The following GPC6 variants were observed in gnomAD, a reference collection of about 807,000 sequenced individuals.
GPC6 encodes glypican 6.
In GPC6, 14 loss-of-function variants were observed where a neutral mutation model predicts 55.2. That is an observed-to-expected ratio of 0.25 (90% CI 0.17 to 0.40). The LOEUF is 0.40. Ranked by LOEUF, GPC6 falls within the 10% of genes least tolerant of loss-of-function variation. The probability of loss-of-function intolerance (pLI) is 1.00; values close to 1 mark genes in which losing one functional copy is unlikely to be tolerated. For missense variants in GPC6, 641 were observed against 708.5 expected, an observed-to-expected ratio of 0.90 and a Z score of 1.08; for synonymous variants, 278 against 259.6, an observed-to-expected ratio of 1.07 and a Z score of -0.68.
chr13:93,898,246 G>C (rs1225888366), intron 3 of GPC6, among the ~76,000 whole-genome samples: 1 of 152,054 alleles, frequency 6.6e-6, no homozygotes, highest in East Asian at 1.9e-4. Flanking sequence ...TGGCCTTATT[G>C]GTCACCGTAT....
chr13:94,258,791 A>G (rs1418406255), intron 4 of GPC6, among the ~76,000 whole-genome samples: 1 of 152,158 alleles, frequency 6.6e-6, no homozygotes, highest in African/African-American at 2.4e-5. Flanking sequence ...ATTAACATTG[A>G]TTATTTCTGA....
chr13:93,693,704 C>T (rs1339962169), intron 2 of GPC6, among the ~76,000 whole-genome samples: 1 of 152,100 alleles, frequency 6.6e-6, no homozygotes, highest in Non-Finnish European at 1.5e-5. Context: ...CCAGGCTGGT[C>T]TTAAACTCCT....
At position 93,535,425 on chromosome 13, in the gene GPC6, A is replaced by G. The variant is rs557347280; in HGVS notation, c.161-9838A>G. On this transcript the variant is annotated intron_variant, in intron 1 of 8. Transcript: ENST00000377047. ...AGTAGCTGCCATGATTTCACCAAGTAAATATTTGAGGCACTGCTGGTCACA... is the reference window on the plus strand; with the variant it reads ...AGTAGCTGCCATGATTTCACCAAGTGAATATTTGAGGCACTGCTGGTCACA... 2.0e-5 allele frequency among the ~76,000 whole-genome samples: 3 copies of G among 152,280 alleles called. No homozygotes were observed. In the South Asian group the frequency reaches 6.2e-4, roughly 32 times the overall value.
intron 2 of GPC6, among the ~76,000 whole-genome samples, chr13:93,675,895 A>G (rs1881566992): frequency 6.6e-6 from 1 of 151,896 alleles, no homozygotes; most frequent in Admixed American, 6.6e-5. Flanking sequence ...TTCTAGATCC[A>G]AGGACTACTT....
intron 2 of GPC6, among the ~76,000 whole-genome samples, chr13:93,659,289 C>A (rs1447633080): frequency 6.6e-6 from 1 of 151,862 alleles, no homozygotes; most frequent in Non-Finnish European, 1.5e-5. Context: ...TAAAGATGGT[C>A]TAAAGATACC....
At chr13:93,426,175 T>A (rs1877118785) in intron 1 of GPC6, among the ~76,000 whole-genome samples, 1 of 152,226 alleles carries the variant, frequency 6.6e-6, no homozygotes. Context: ...AGAAACTGTT[T>A]AGATGATACT....
At chr13:94,045,351 T>G (rs886891400) in intron 4 of GPC6, among the ~76,000 whole-genome samples, 1 of 151,962 alleles carries the variant, frequency 6.6e-6, no homozygotes, top group Non-Finnish European at 1.5e-5. Flanking sequence ...GTCAATATTT[T>G]GCTAACGTTT....
At chr13:93,620,387 A>G (rs1170450570) in intron 2 of GPC6, among the ~76,000 whole-genome samples, 1 of 152,204 alleles carries the variant, frequency 6.6e-6, no homozygotes, top group South Asian at 2.1e-4. Flanking sequence ...CATGGCTGAC[A>G]TAATTTACTA....
intron 1 of GPC6, among the ~76,000 whole-genome samples, chr13:93,340,740 AT>A (rs1405810694): frequency 6.6e-6 from 1 of 152,194 alleles, no homozygotes; most frequent in Non-Finnish European, 1.5e-5. Context: ...TGATACCCTT[AT>A]GGACCATAGC....
chr13:93,967,886 T>C (rs188905722), intron 3 of GPC6, among the ~76,000 whole-genome samples: 2 of 152,278 alleles, frequency 1.3e-5, no homozygotes, highest in African/African-American at 4.8e-5. Context: ...TTGTAACCCT[T>C]TAAAAACTGT....
intron 2 of GPC6, among the ~76,000 whole-genome samples, chr13:93,568,340 G>C (rs925489029): frequency 6.6e-6 from 1 of 152,126 alleles, no homozygotes; most frequent in African/African-American, 2.4e-5. Flanking sequence ...GTTCAGGCAT[G>C]CTCTCGGTCC....
chr13:93,820,671 G>T (rs1363261396), intron 2 of GPC6, among the ~76,000 whole-genome samples: 3 of 144,716 alleles, frequency 2.1e-5, no homozygotes, highest in South Asian at 2.2e-4. Flanking sequence ...TCAAAGTAGG[G>T]TTTTTTTTTT....
chr13:93,290,787 C>T (rs1017615259), intron 1 of GPC6, among the ~76,000 whole-genome samples: 7 of 152,050 alleles, frequency 4.6e-5, no homozygotes, highest in African/African-American at 1.2e-4. Flanking sequence ...TATCTCTATA[C>T]ATGATATGGT....
chr13:93,733,650 A>G (rs1416916071), intron 2 of GPC6, among the ~76,000 whole-genome samples: 2 of 152,038 alleles, frequency 1.3e-5, no homozygotes. Context: ...TTGGTAGTCC[A>G]TTCCCATAGT....
intron 2 of GPC6, among the ~76,000 whole-genome samples, chr13:93,586,797 C>T (rs1230290671): frequency 6.6e-6 from 1 of 152,172 alleles, no homozygotes; most frequent in Admixed American, 6.5e-5. Context: ...ATATGTCACA[C>T]AGAAATGTTC....
At chr13:94,351,961 G>GAAAAAA (rs1878561413) in intron 6 of GPC6, among the ~76,000 whole-genome samples, 1 of 39,742 alleles carries the variant, frequency 2.5e-5, no homozygotes, top group African/African-American at 1.6e-4. Context: ...AGAGAAGAAG[G>GAAAAAA]CAAAAAAAAA....
chr13:93,535,063 C>G (rs1882003724), intron 1 of GPC6, among the ~76,000 whole-genome samples: 1 of 152,130 alleles, frequency 6.6e-6, no homozygotes, highest in African/African-American at 2.4e-5. Flanking sequence ...ATTGTAGTTT[C>G]AGCTTTTCAT....
chr13:93,297,472 A>G (rs552070919), intron 1 of GPC6, among the ~76,000 whole-genome samples: 1 of 152,248 alleles, frequency 6.6e-6, no homozygotes, highest in East Asian at 1.9e-4. Context: ...ATGCAAAATA[A>G]AAAAAGAAAT....
chr13:93,843,781 G>A (rs183235522), intron 3 of GPC6, among the ~76,000 whole-genome samples: 3 of 152,152 alleles, frequency 2.0e-5, no homozygotes, highest in Admixed American at 6.5e-5. Context: ...TCAGTTTAAC[G>A]CAGGTCTGAA....
Sources: allele counts gnomAD v4.1 joint callset (sites outside exome capture counted in the v4.1 genomes callset), GRCh38; gene constraint gnomAD v4.1.1; transcripts MANE v1.5; gene names NCBI Gene and HGNC (gene_info 2026-07-23, HGNC 2026-07-21).